SDC2: variants seen among roughly 807,000 people sequenced by gnomAD.
SDC2 encodes syndecan-2.
In SDC2, 13 loss-of-function variants were observed where a neutral mutation model predicts 22.2. That is an observed-to-expected ratio of 0.59 (90% confidence interval 0.38 to 0.93). The LOEUF (loss-of-function observed/expected upper bound fraction) is 0.93. Ranked by LOEUF, SDC2 falls within the 40% of genes least tolerant of loss-of-function variation. The pLI is 0.00. For synonymous variants in SDC2, 94 were observed against 92.8 expected, an observed-to-expected ratio of 1.01 and a Z score of -0.07; for missense variants, 235 against 246.8, an observed-to-expected ratio of 0.95 and a Z score of 0.32.
intron 2 of SDC2, 31 bp from the exon 3 acceptor site, chr8:96,602,364 A>G: frequency 6.2e-7 from 1 of 1,610,600 alleles, no homozygotes; most frequent in Non-Finnish European, 8.5e-7. Flanking sequence ...CATGATTGCC[A>G]TGCTCAGTTC....
chr8:96,497,885 C>A (rs1277575256), intron 1 of SDC2, among the ~76,000 whole-genome samples: 1 of 152,186 alleles, frequency 6.6e-6, no homozygotes, highest in African/African-American at 2.4e-5. Flanking sequence ...TTTGCCCATC[C>A]TTTTCTTCTT....
At chr8:96,578,117 A>C (rs1206609012) in intron 1 of SDC2, among the ~76,000 whole-genome samples, 1 of 152,212 alleles carries the variant, frequency 6.6e-6, no homozygotes, top group African/African-American at 2.4e-5. Flanking sequence ...GAGAGTTGTG[A>C]TGGAAAAGGC....
intron 1 of SDC2, among the ~76,000 whole-genome samples, chr8:96,500,594 G>A (rs1248842973): frequency 1.3e-5 from 2 of 149,260 alleles, no homozygotes; most frequent in Non-Finnish European, 3.0e-5. Flanking sequence ...CACAGGAGAC[G>A]GAGGTTGCAA....
intron 2 of SDC2, among the ~76,000 whole-genome samples, chr8:96,598,360 G>A (rs951184239): frequency 1.3e-5 from 2 of 152,130 alleles, no homozygotes; most frequent in Admixed American, 6.5e-5. Flanking sequence ...GGTGGGTTAC[G>A]CCTGTAATCC....
chr8:96,608,082 C>G (rs1815112984), intron 3 of SDC2, among the ~76,000 whole-genome samples: 1 of 152,098 alleles, frequency 6.6e-6, no homozygotes, highest in Non-Finnish European at 1.5e-5. Flanking sequence ...TCACCATGTC[C>G]TTAGGATTAT....
intron 2 of SDC2, among the ~76,000 whole-genome samples, chr8:96,598,842 G>T (rs1337278234): frequency 6.6e-6 from 1 of 151,954 alleles, no homozygotes; most frequent in Non-Finnish European, 1.5e-5. Context: ...ATTCAGTGGG[G>T]CTTCGAGATT....
intron 1 of SDC2, among the ~76,000 whole-genome samples, chr8:96,544,388 C>G (rs893825635): frequency 2.0e-5 from 3 of 152,122 alleles, no homozygotes; most frequent in Admixed American, 1.3e-4. Flanking sequence ...TTCTTTACCT[C>G]TTGTCCTTCC....
At position 96,611,383 on chromosome 8, in the gene SDC2, A is replaced by T. The variant is rs1053590491; in HGVS notation, c.*1835A>T. On this transcript the variant is annotated 3_prime_UTR_variant, in exon 5 of 5. Transcript: ENST00000302190. ...ACTTTTAATAAAGTATGAATATTTC[A>T]TTTTGAGAACATTCCCTGGAATTGC... The T allele has an allele frequency of 6.6e-6, 1 of 152,638 alleles. No individual in the cohort carries two copies. The highest frequency in any genetic ancestry group is 1.5e-5 in the Non-Finnish European group (1 of 68,026). The allele number at this position is 152,638 out of a possible 1,614,324, so 9.5% of individuals were successfully genotyped here. A position where few individuals can be genotyped will look rare whatever the true frequency, so the allele number is the denominator to read the frequency against.
chr8:96,577,744 C>T (rs1048286024), intron 1 of SDC2, among the ~76,000 whole-genome samples: 1 of 152,172 alleles, frequency 6.6e-6, no homozygotes, highest in African/African-American at 2.4e-5. Context: ...TTGCCCACCC[C>T]CTCTTCCCCT....
intron 1 of SDC2, among the ~76,000 whole-genome samples, chr8:96,512,133 T>A (rs1273644999): frequency 6.6e-6 from 1 of 152,188 alleles, no homozygotes; most frequent in Non-Finnish European, 1.5e-5. Context: ...ACATGTCACT[T>A]ACACTTATAT....
At chr8:96,560,266 G>C (rs987241194) in intron 1 of SDC2, among the ~76,000 whole-genome samples, 5 of 152,136 alleles carry the variant, frequency 3.3e-5, no homozygotes, top group Non-Finnish European at 7.4e-5. Flanking sequence ...GTTATCAGAA[G>C]ATGGTTTCAG....
Position 96,609,503 on chromosome 8 carries a change from C to T in SDC2, c.561C>T (p.Ser187=), listed in dbSNP as rs750135414. The change falls in exon 5 of 5, where the codon TCC becomes TCT. Residue 187 remains serine, a synonymous_variant. Transcript: ENST00000302190. ...GSYDLGERKP[S]SAAYQKAPTK... ...ATGACCTTGGAGAACGCAAACCATC[C>T]AGTGCTGCTTATCAGAAGGCACCTA... is the stretch of plus-strand genomic sequence containing the variant. 3 of 1,610,390 alleles carry T rather than the reference C, an allele frequency of 1.9e-6. No homozygotes were observed. The highest frequency in any genetic ancestry group is 2.2e-5 in the South Asian group (2 of 90,560).
intron 1 of SDC2, among the ~76,000 whole-genome samples, chr8:96,535,703 T>C (rs1468923872): frequency 6.6e-6 from 1 of 152,170 alleles, no homozygotes; most frequent in African/African-American, 2.4e-5. Flanking sequence ...ACTCTGGAAG[T>C]AGGTAAAAGT....
chr8:96,588,740 A>G (rs898702287), intron 1 of SDC2, among the ~76,000 whole-genome samples: 14 of 152,256 alleles, frequency 9.2e-5, no homozygotes, highest in Non-Finnish European at 1.5e-4. Flanking sequence ...AGTTAAAACC[A>G]TAAAGTAAAT....
chr8:96,600,043 C>T (rs181515612), intron 2 of SDC2, among the ~76,000 whole-genome samples: 6 of 152,070 alleles, frequency 3.9e-5, no homozygotes, highest in Non-Finnish European at 7.4e-5. Context: ...TATTTAGTTC[C>T]AGCTACTCAG....
intron 1 of SDC2, among the ~76,000 whole-genome samples, chr8:96,533,835 C>T (rs966140057): frequency 5.3e-5 from 8 of 152,336 alleles, no homozygotes; most frequent in East Asian, 1.9e-4. Context: ...CAGTCCTGCT[C>T]GGTGTGCCCG....
At chr8:96,525,169 G>T (rs1813558346) in intron 1 of SDC2, among the ~76,000 whole-genome samples, 1 of 152,166 alleles carries the variant, frequency 6.6e-6, no homozygotes, top group South Asian at 2.1e-4. Flanking sequence ...AATGTTCAAG[G>T]CTGTCCGTTC....
intron 1 of SDC2, among the ~76,000 whole-genome samples, chr8:96,574,455 T>C (rs1814453573): frequency 6.6e-6 from 1 of 152,262 alleles, no homozygotes; most frequent in Admixed American, 6.5e-5. Flanking sequence ...AGCTGTCATT[T>C]GGCTATTTAG....
At position 96,494,151 on chromosome 8, in the gene SDC2, C is replaced by T. The variant is rs1251433544; in HGVS notation, c.-121C>T. 1.3e-5 allele frequency: 14 copies of T among 1,041,754 alleles called. No individual in the cohort carries two copies. Among genetic ancestry groups the T allele is most frequent in the Non-Finnish European group, 1.8e-5 (13 of 735,356 alleles). The allele number at this position is 1,041,754 out of a possible 1,614,324, so 64.5% of individuals were successfully genotyped here. A position where few individuals can be genotyped will look rare whatever the true frequency, so the allele number is the denominator to read the frequency against. On this transcript the variant is annotated 5_prime_UTR_variant, in exon 1 of 5. Coordinates refer to ENST00000302190, the MANE Select transcript of SDC2 (RefSeq NM_002998.4). ...CGAGCCCGAGTCCCCGAGCCTGAGC[C>T]GCAATCGCTGCGGTACTCTGCTCCG...
Sources: allele counts gnomAD v4.1 joint callset (sites outside exome capture counted in the v4.1 genomes callset), GRCh38; gene constraint gnomAD v4.1.1; transcripts MANE v1.5; gene names NCBI Gene and HGNC (gene_info 2026-07-23, HGNC 2026-07-21).